Variants in TEKT3 observed in about 807,000 individuals in gnomAD.
TEKT3 encodes the protein tektin 3.
In TEKT3, 49 loss-of-function variants were observed where a neutral mutation model predicts 49.8. That is an observed-to-expected ratio of 0.98 (90% CI 0.78 to 1.25). The LOEUF (loss-of-function observed/expected upper bound fraction) is 1.25. Among genes scored for constraint, TEKT3 ranks in the 50% most tolerant of loss-of-function variants. TEKT3 has a pLI of 0.00. For missense variants in TEKT3, 595 were observed against 629.5 expected (o/e 0.95, Z 0.59); for synonymous variants, 225 against 237.2 (o/e 0.95, Z 0.47).
chr17:15,333,648 C>T (rs1229165870), intron 2 of TEKT3, among the ~76,000 whole-genome samples: 1 of 152,146 alleles, frequency 6.6e-6, no homozygotes, highest in Non-Finnish European at 1.5e-5. Flanking sequence ...TTCCCTATGT[C>T]AGATCAATAA....
intron 4 of TEKT3, chr17:15,327,784 A>T: frequency 2.2e-6 from 1 of 450,056 alleles, no homozygotes; most frequent in Non-Finnish European, 4.0e-6. Context: ...AGTGATTTTC[A>T]TCTTTATTTA....
At chr17:15,306,917 T>C (rs563726268) in intron 8 of TEKT3, 1 of 152,162 alleles carries the variant, frequency 6.6e-6, no homozygotes, top group African/African-American at 2.4e-5. Context: ...GTCTCTGGAG[T>C]GGAGAGCTGC....
rs772131072 is a variant in TEKT3, at chr17:15,331,550, G to GT, written c.35dup (p.Tyr12Ter). ...ERVGCTLTTT[Y>*]AHPRPTPTNF... is the part of the protein sequence containing the mutation. ...TGGTTGGTGTTGGTCTAGGGTGGGC[G>GT]TAAGTTGTCGTTAAAGTACAACCTA... The change falls in exon 3 of 9, where the codon TAC (tyrosine) becomes TAAC (stop). Residue 12 changes from tyrosine to a stop codon, truncating the protein, a stop_gained and frameshift_variant. Transcript: ENST00000395930. LOFTEE classifies it high-confidence loss of function. 1,066 of 1,613,564 alleles carry GT rather than the reference G, an allele frequency of 6.6e-4. 1 individual carries two copies. Among genetic ancestry groups the GT allele is most frequent in the Non-Finnish European group, 8.5e-4 (1,008 of 1,179,904 alleles).
chr17:15,310,812 G>T (rs1231917600), intron 7 of TEKT3: 1 of 152,110 alleles, frequency 6.6e-6, no homozygotes, highest in Non-Finnish European at 1.5e-5. Context: ...TCTTACAATT[G>T]ATAGTGTCTG....
intron 3 of TEKT3, 27 bp from the exon 4 acceptor site, chr17:15,328,102 A>G: frequency 6.3e-7 from 1 of 1,588,302 alleles, no homozygotes; most frequent in Non-Finnish European, 8.6e-7. Context: ...AATGGAAAGC[A>G]CTAATAAAAA....
In TEKT3 at chr17:15,328,043, C is replaced by CT. The variant is rs1380367109; in HGVS notation, c.611dup (p.Arg205GlufsTer10). The stretch of plus-strand genomic sequence containing the variant: ...CGTGAACTAGGTCGATTCCCATTCT[C>CT]TTTTCTCGATGAAATAGACATTCTC... On this transcript the variant is annotated frameshift_variant, in exon 4 of 9. Coordinates refer to ENST00000395930, the MANE Select transcript of TEKT3 (RefSeq NM_031898.3). LOFTEE classifies it high-confidence loss of function. The CT allele has an allele frequency of 6.2e-7, 1 of 1,613,944 alleles. No individual in the cohort carries two copies. Among genetic ancestry groups the CT allele is most frequent in the African/African-American group, 1.3e-5 (1 of 74,930 alleles).
Position 15,304,183 on chromosome 17 carries a change from T to A in TEKT3, c.1257-31A>T. The A allele has an allele frequency of 6.2e-7, 1 of 1,610,882 alleles. No individual in the cohort carries two copies. Among genetic ancestry groups the A allele is most frequent in the East Asian group, 2.2e-5 (1 of 44,824 alleles). On this transcript the variant is annotated intron_variant, in intron 8 of 8. Transcript: ENST00000395930. The surrounding 1 kb of genome is among the most constrained non-coding windows in gnomAD (Gnocchi z 4.7). ...GCATAAAGGAATCAGCATGGTTAGGTCAGCATGTAGCTTACGCAACTCCAA... is the reference window on the plus strand; with the variant it reads ...GCATAAAGGAATCAGCATGGTTAGGACAGCATGTAGCTTACGCAACTCCAA...
At chr17:15,318,281 G>T (rs551700819) in intron 5 of TEKT3, among the ~76,000 whole-genome samples, 57 of 152,172 alleles carry the variant, frequency 3.7e-4, no homozygotes, top group African/African-American at 1.3e-3. Context: ...GAGCCACCAC[G>T]CCCGGCCGCC....
At chr17:15,339,242 T>G (rs113240055) in intron 2 of TEKT3, among the ~76,000 whole-genome samples, 1 of 152,150 alleles carries the variant, frequency 6.6e-6, no homozygotes, top group African/African-American at 2.4e-5. Context: ...AAGACCCCCA[T>G]CAGATGTAGC....
rs1912094641 is a variant in TEKT3 at position 15,338,640 on chromosome 17, G to A, written c.-30+1388C>T. ...CTGCCTCAGCCTCCAGCGTAGCTGGGACTACAGCCGCCTGCCACCACACCT... is the reference window on the plus strand; with the variant it reads ...CTGCCTCAGCCTCCAGCGTAGCTGGAACTACAGCCGCCTGCCACCACACCT... On this transcript the variant is annotated intron_variant, in intron 2 of 8. Transcript: ENST00000395930. 4 of 156,776 alleles carry A rather than the reference G, an allele frequency of 2.6e-5. No individual in the cohort carries two copies. In the South Asian group the frequency reaches 6.2e-4, roughly 24 times the overall value. The allele number at this position is 156,776 out of a possible 1,614,324, so 9.7% of individuals were successfully genotyped here. A position where few individuals can be genotyped will look rare whatever the true frequency, so the allele number is the denominator to read the frequency against.
chr17:15,311,555 C>A (rs1910771132), intron 7 of TEKT3: 1 of 152,158 alleles, frequency 6.6e-6, no homozygotes, highest in Non-Finnish European at 1.5e-5. Context: ...GATGGATATG[C>A]TCGCTCATTA....
Position 15,328,055 on chromosome 17 carries a change from A to G in TEKT3, c.600T>C (p.Phe200=). The change falls in exon 4 of 9, where the codon TTT becomes TTC. Residue 200 remains phenylalanine (F), a synonymous_variant. Coordinates refer to ENST00000395930, the MANE Select transcript of TEKT3 (RefSeq NM_031898.3). The part of the protein sequence containing the change: ...APLQVARECL[F]HREKRMGIDL... ...CGATTCCCATTCTCTTTTCTCGATGAAATAGACATTCTCGGGCTACCTACA... is the reference window on the plus strand; with the variant it reads ...CGATTCCCATTCTCTTTTCTCGATGGAATAGACATTCTCGGGCTACCTACA... 6.2e-7 allele frequency: 1 copy of G among 1,614,044 alleles called. No individual in the cohort carries two copies. Among genetic ancestry groups the G allele is most frequent in the African/African-American group, 1.3e-5 (1 of 75,046 alleles).
chr17:15,322,496 G>T (rs432432), intron 4 of TEKT3, among the ~76,000 whole-genome samples: 1 of 152,114 alleles, frequency 6.6e-6, no homozygotes, highest in East Asian at 1.9e-4. Flanking sequence ...CTGCTATACT[G>T]TCAGCTGAGG....
chr17:15,328,349 C>A (rs1457542625), intron 3 of TEKT3, among the ~76,000 whole-genome samples: 1 of 152,174 alleles, frequency 6.6e-6, no homozygotes, highest in Non-Finnish European at 1.5e-5. Flanking sequence ...TTGATCCCCG[C>A]AAATTAGCAT....
intron 2 of TEKT3, among the ~76,000 whole-genome samples, chr17:15,334,015 G>A (rs952223375): frequency 1.3e-5 from 2 of 151,598 alleles, no homozygotes; most frequent in East Asian, 1.9e-4. Context: ...CACCCACCTC[G>A]GCCTCTCAAA....
At chr17:15,322,257 C>A (rs1407263832) in intron 4 of TEKT3, among the ~76,000 whole-genome samples, 2 of 152,182 alleles carry the variant, frequency 1.3e-5, no homozygotes, top group Admixed American at 6.5e-5. Flanking sequence ...ACAAAAGCCA[C>A]AAGCTTCGGC....
intron 6 of TEKT3, 85 bp from the exon 7 acceptor site, chr17:15,312,566 G>C (rs1027094860): frequency 3.2e-6 from 4 of 1,231,368 alleles, no homozygotes; most frequent in Admixed American, 2.0e-5. Context: ...TCCTGAGAGA[G>C]AGAAACCCCC....
At chr17:15,339,715 G>A (rs1454196266) in intron 2 of TEKT3, among the ~76,000 whole-genome samples, 1 of 152,076 alleles carries the variant, frequency 6.6e-6, no homozygotes, top group Non-Finnish European at 1.5e-5. Context: ...TTAGATCAGG[G>A]GCAAGCATAG....
intron 7 of TEKT3, 103 bp from the exon 8 acceptor site, chr17:15,308,921 C>T (rs1479572966): frequency 7.1e-7 from 1 of 1,401,610 alleles, no homozygotes; most frequent in Non-Finnish European, 9.8e-7. Flanking sequence ...CGTGCCTTGA[C>T]CTCGCTGATG....
Sources: gnomAD v4.1 joint callset for allele counts (sites outside exome capture counted in the v4.1 genomes callset) on GRCh38, gnomAD v4.1.1 for gene constraint, Gnocchi (gnomAD v3.1) non-coding constraint, MANE v1.5 for transcripts, NCBI Gene and HGNC (gene_info 2026-07-23, HGNC 2026-07-21) for gene names.